The following KCNA4 variants were observed in gnomAD, a reference collection of about 807,000 sequenced individuals.
KCNA4 encodes the protein cardiac potassium channel.
In KCNA4, 5 loss-of-function variants were observed where a neutral mutation model predicts 37.2. The observed-to-expected ratio is 0.13, with a 90% confidence interval of 0.07 to 0.28. KCNA4 has a LOEUF of 0.28. Ranked by LOEUF, KCNA4 falls within the 10% of genes least tolerant of loss-of-function variation. The pLI is 1.00. For synonymous variants in KCNA4, 350 were observed against 311.8 expected (o/e 1.12, Z -1.29); for missense variants, 634 against 817.4 (o/e 0.78, Z 2.74).
Position 30,010,867 on chromosome 11 carries a change from G to A in KCNA4, c.1812C>T (p.Ser604=), listed in dbSNP as rs1050608531. The change falls in exon 2 of 2, where the codon TCC becomes TCT. Residue 604 remains serine, a synonymous_variant. Transcript: ENST00000328224. ...LKKFRSSTSS[S]LGDKSEYLEM... The stretch of plus-strand genomic sequence containing the variant: ...CTAGATACTCTGACTTGTCCCCCAG[G>A]GAAGAAGAAGTAGAGCTCCGAAATT... 9 of 1,614,010 alleles carry A rather than the reference G, an allele frequency of 5.6e-6. No individual in the cohort carries two copies. In the South Asian group the frequency reaches 9.9e-5, roughly 18 times the overall value.
Position 30,012,208 on chromosome 11 carries a change from C to T in KCNA4, c.471G>A (p.Leu157=), listed in dbSNP as rs1782150262. The T allele has an allele frequency of 1.2e-6, 2 of 1,614,068 alleles. No individual in the cohort carries two copies. Among genetic ancestry groups the T allele is most frequent in the Middle Eastern group, 1.6e-4 (1 of 6,084 alleles). ...HGDECSYTDL[L]PQDEGGGGYS... ...AGCCGCCACCGCCCTCATCCTGAGG[C>T]AGCAGATCCGTGTAGGAACACTCAT... Residue 157 remains leucine, a synonymous_variant, in exon 2 of 2, where the codon CTG becomes CTA. Transcript: ENST00000328224.
At position 30,011,451 on chromosome 11, in the gene KCNA4, C is replaced by T; in HGVS notation, c.1228G>A (p.Val410Ile). ...GTGATGAAGTAAGGCAAAATGGAGA[C>T]AATGTCAATGATGTTCATGATGTTT... ...FKNIMNIIDIVSILPYFITLG... is the reference protein window; with the variant it reads ...FKNIMNIIDIISILPYFITLG... The change falls in exon 2 of 2, where the codon GTC becomes ATC. Residue 410 changes from valine (V) to isoleucine (I), a missense_variant. Val to Ile is a conservative substitution (Grantham distance 29, BLOSUM62 3). Transcript: ENST00000328224. This position sits in a 1 kb window ranked among gnomAD's most constrained non-coding sequence, Gnocchi z 5.6. 1 of 1,614,136 alleles carries T rather than the reference C, an allele frequency of 6.2e-7. No homozygotes were observed. The highest frequency in any genetic ancestry group is 1.1e-5 in the South Asian group (1 of 91,074).
In KCNA4 at chr11:30,012,343, G is replaced by A. The variant is rs775273227; in HGVS notation, c.336C>T (p.Gly112=). ...FPHCSDLMPS[G]SEEKILRELS... is the part of the protein sequence containing the mutation. The stretch of plus-strand genomic sequence containing the variant: ...GCTCCCTCAGGATCTTCTCCTCAGA[G>A]CCACTGGGCATCAGGTCAGAGCAAT... Residue 112 remains glycine (G), a synonymous_variant, in exon 2 of 2, where the codon GGC becomes GGT. Coordinates refer to ENST00000328224, the MANE Select transcript of KCNA4 (RefSeq NM_002233.4). 35 of 1,613,904 alleles carry A rather than the reference G, an allele frequency of 2.2e-5. No homozygotes were observed. Among genetic ancestry groups the A allele is most frequent in the Non-Finnish European group, 3.0e-5 (35 of 1,180,020 alleles).
rs769646668 is a variant in KCNA4 at position 30,012,314 on chromosome 11, C to T, written c.365G>A (p.Ser122Asn). 30 of 1,613,944 alleles carry T rather than the reference C, an allele frequency of 1.9e-5. No individual in the cohort carries two copies. The highest frequency in any genetic ancestry group is 2.4e-5 in the Non-Finnish European group (28 of 1,180,004). Residue 122 changes from serine to asparagine, a missense_variant, in exon 2 of 2, where the codon AGT becomes AAT. By Grantham distance (46) the Ser-to-Asn change is conservative. This residue lies in a region of KCNA4 where 236 missense variants were observed against 229.5 expected (regional missense o/e 1.03). Transcript: ENST00000328224. Reference protein sequence around the residue: ...GSEEKILRELSEEEEDEEEEE... With the variant: ...GSEEKILRELNEEEEDEEEEE... ...CTCCTCCTCATCTTCCTCCTCCTCACTCAGCTCCCTCAGGATCTTCTCCTC... is the reference window on the plus strand; with the variant it reads ...CTCCTCCTCATCTTCCTCCTCCTCATTCAGCTCCCTCAGGATCTTCTCCTC...
chr11:30,015,980 G>A (rs1222159285), intron 1 of KCNA4, among the ~76,000 whole-genome samples: 1 of 151,872 alleles, frequency 6.6e-6, no homozygotes, highest in Non-Finnish European at 1.5e-5. Flanking sequence ...CTGTGTCACT[G>A]TCAGGGTGGT....
chr11:30,012,346 A>G lies in KCNA4; in HGVS notation c.333T>C (p.Ser111=). ...CCCTCAGGATCTTCTCCTCAGAGCC[A>G]CTGGGCATCAGGTCAGAGCAATGAG... ...SFPHCSDLMP[S]GSEEKILREL... is the part of the protein sequence containing the mutation. The change falls in exon 2 of 2, where the codon AGT becomes AGC. Residue 111 remains serine, a synonymous_variant. Coordinates refer to ENST00000328224, the MANE Select transcript of KCNA4 (RefSeq NM_002233.4). 1 of 1,614,014 alleles carries G rather than the reference A, an allele frequency of 6.2e-7. No individual in the cohort carries two copies. The highest frequency in any genetic ancestry group is 1.3e-5 in the African/African-American group (1 of 74,998).
In KCNA4 at chr11:30,010,742, G is replaced by A. The variant is rs1023989215; in HGVS notation, c.1937C>T (p.Ala646Val). 1 of 1,611,106 alleles carries A rather than the reference G, an allele frequency of 6.2e-7. No individual in the cohort carries two copies. Among genetic ancestry groups the A allele is most frequent in the Admixed American group, 1.7e-5 (1 of 59,766 alleles). ...TCACACATCAGTCTCCACAGCCTTT[G>A]CATTAGAACAGTTGTTTTTATCTGT... ...SETDKNNCSN[A>V]KAVETDV The change falls in exon 2 of 2, where the codon GCA becomes GTA. Residue 646 changes from alanine to valine, a missense_variant. Physicochemically the swap from Ala to Val is moderately conservative, Grantham distance 64. Around this residue, in one of 8 missense-constraint regions of KCNA4, gnomAD observed 91 missense variants for 95.8 expected, o/e 0.95. Transcript: ENST00000328224.
At position 30,010,625 on chromosome 11, in the gene KCNA4, T is replaced by C. The variant is rs1342465705; in HGVS notation, c.*92A>G. ...ATAGTGTACTACTGTATGCATTGGATCATTTGCATATTTCATTTTCATAAC... is the reference window on the plus strand; with the variant it reads ...ATAGTGTACTACTGTATGCATTGGACCATTTGCATATTTCATTTTCATAAC... On this transcript the variant is annotated 3_prime_UTR_variant, in exon 2 of 2. Coordinates refer to ENST00000328224, the MANE Select transcript of KCNA4 (RefSeq NM_002233.4). The C allele has an allele frequency of 3.3e-6, 5 of 1,511,894 alleles. No homozygotes were observed. Among genetic ancestry groups the C allele is most frequent in the Non-Finnish European group, 4.4e-6 (5 of 1,131,026 alleles). The allele number at this position is 1,511,894 out of a possible 1,614,324, so 93.7% of individuals were successfully genotyped here. A position where few individuals can be genotyped will look rare whatever the true frequency, so the allele number is the denominator to read the frequency against.
intron 1 of KCNA4, among the ~76,000 whole-genome samples, chr11:30,014,250 A>T (rs984256065): frequency 5.3e-5 from 8 of 152,134 alleles, no homozygotes; most frequent in Non-Finnish European, 1.0e-4. Flanking sequence ...CATACAAGAC[A>T]TCCTGAGACT....
chr11:30,010,650 C>A lies in KCNA4; in HGVS notation c.*67G>T. ...TCATTTGCATATTTCATTTTCATAA[C>A]TGCACTCTCTATGCATAAATATATT... On this transcript the variant is annotated 3_prime_UTR_variant, in exon 2 of 2. Transcript: ENST00000328224. 1 of 1,532,904 alleles carries A rather than the reference C, an allele frequency of 6.5e-7. No homozygotes were observed. The highest frequency in any genetic ancestry group is 8.7e-7 in the Non-Finnish European group (1 of 1,143,772). 95.0% of individuals were successfully genotyped at this position (1,532,904 alleles called of 1,614,324 possible).
chr11:30,015,437 C>T (rs1850342316), intron 1 of KCNA4, among the ~76,000 whole-genome samples: 1 of 152,196 alleles, frequency 6.6e-6, no homozygotes, highest in Admixed American at 6.5e-5. Flanking sequence ...CAACTGACTC[C>T]CAGAAGGTCA....
Position 30,012,319 on chromosome 11 carries a change from C to G in KCNA4, c.360G>C (p.Glu120Asp), listed in dbSNP as rs1231491373. 1.2e-6 allele frequency: 2 copies of G among 1,613,970 alleles called. No individual in the cohort carries two copies. The highest frequency in any genetic ancestry group is 1.7e-6 in the Non-Finnish European group (2 of 1,180,010). ...CCTCATCTTCCTCCTCCTCACTCAG[C>G]TCCCTCAGGATCTTCTCCTCAGAGC... ...PSGSEEKILR[E>D]LSEEEEDEEE... The change falls in exon 2 of 2, where the codon GAG becomes GAC. Residue 120 changes from glutamate (E) to aspartate (D), a missense_variant. By Grantham distance (45) the Glu-to-Asp change is conservative (BLOSUM62 2). Transcript: ENST00000328224.
intron 1 of KCNA4, among the ~76,000 whole-genome samples, chr11:30,016,044 A>T (rs1446967872): frequency 5.9e-5 from 9 of 151,990 alleles, no homozygotes; most frequent in African/African-American, 2.2e-4. Flanking sequence ...TGAGAGAGGG[A>T]ATCAGAAAAG....
At position 30,011,588 on chromosome 11, in the gene KCNA4, T is replaced by C. The variant is rs773718910; in HGVS notation, c.1091A>G (p.His364Arg). 1.2e-6 allele frequency: 2 copies of C among 1,614,130 alleles called. No homozygotes were observed. Among genetic ancestry groups the C allele is most frequent in the East Asian group, 2.2e-5 (1 of 44,864 alleles). ...TSAPHLENSG[H>R]TIFNDPFFIV... Reference sequence around the variant, plus strand: ...GAAGAAGGGGTCATTGAATATTGTGTGCCCTGAGTTCTCCAGATGGGGTGC... The same window carrying C: ...GAAGAAGGGGTCATTGAATATTGTGCGCCCTGAGTTCTCCAGATGGGGTGC... The change falls in exon 2 of 2, where the codon CAC (histidine) becomes CGC (arginine). Residue 364 changes from histidine (H) to arginine (R), a missense_variant. Transcript: ENST00000328224. This position sits in a 1 kb window ranked among gnomAD's most constrained non-coding sequence, Gnocchi z 5.6.
chr11:30,010,865 A>G lies in KCNA4; in HGVS notation c.1814T>C (p.Leu605Pro), dbSNP rs764792446. Reference protein sequence around the residue: ...KKFRSSTSSSLGDKSEYLEME... With the variant: ...KKFRSSTSSSPGDKSEYLEME... ...CTCTAGATACTCTGACTTGTCCCCC[A>G]GGGAAGAAGAAGTAGAGCTCCGAAA... Residue 605 changes from leucine to proline, a missense_variant, in exon 2 of 2, where the codon CTG (leucine) becomes CCG (proline). Around this residue, in one of 8 missense-constraint regions of KCNA4, gnomAD observed 91 missense variants for 95.8 expected, o/e 0.95. Transcript: ENST00000328224. 21 of 1,614,048 alleles carry G rather than the reference A, an allele frequency of 1.3e-5. No homozygotes were observed. In the Admixed American group the frequency reaches 2.7e-4, roughly 20 times the overall value.
In KCNA4 at chr11:30,011,494, G is replaced by C. The variant is rs199748253; in HGVS notation, c.1185C>G (p.Ser395Arg). The C allele has an allele frequency of 3.4e-4, 544 of 1,614,010 alleles. 1 individual carries two copies. Among genetic ancestry groups the C allele is most frequent in the Non-Finnish European group, 4.1e-4 (478 of 1,180,034 alleles). ...EFVVRCFACPSQALFFKNIMN... is the reference protein window; with the variant it reads ...EFVVRCFACPRQALFFKNIMN... ...TGATGTTTTTGAAGAAGAGTGCTTG[G>C]CTGGGACAAGCAAAGCAGCGAACCA... Residue 395 changes from serine (S) to arginine (R), a missense_variant, in exon 2 of 2, where the codon AGC becomes AGG. By Grantham distance (110) the Ser-to-Arg change is moderately radical. Coordinates refer to ENST00000328224, the MANE Select transcript of KCNA4 (RefSeq NM_002233.4). This position sits in a 1 kb window ranked among gnomAD's most constrained non-coding sequence, Gnocchi z 5.6.
In KCNA4 at chr11:30,011,059, G is replaced by A. The variant is rs201513098; in HGVS notation, c.1620C>T (p.Val540=). 1.6e-4 allele frequency: 251 copies of A among 1,614,154 alleles called. No homozygotes were observed. In the African/African-American group the frequency reaches 2.5e-3, roughly 16 times the overall value. Residue 540 remains valine, a synonymous_variant, in exon 2 of 2, where the codon GTC becomes GTT. Transcript: ENST00000328224. This position sits in a 1 kb window ranked among gnomAD's most constrained non-coding sequence, Gnocchi z 5.6. Reference sequence around the variant, plus strand: ...CACCCGCAATGGCACACAGGGACCCGACAATCTTGCCCCCTACAGTGATGG... The same window carrying A: ...CACCCGCAATGGCACACAGGGACCCAACAATCTTGCCCCCTACAGTGATGG... ...MKPITVGGKI[V]GSLCAIAGVL...
At position 30,016,992 on chromosome 11, in the gene KCNA4, G is replaced by A. The variant is rs1034663366; in HGVS notation, c.-1203C>T. 5.0e-6 allele frequency: 2 copies of A among 398,528 alleles called. No individual in the cohort carries two copies. Among genetic ancestry groups the A allele is most frequent in the Non-Finnish European group, 4.4e-6 (1 of 226,142 alleles). The allele number at this position is 398,528 out of a possible 1,614,324, so 24.7% of individuals were successfully genotyped here. ...TCCCTCTCTCGCTCTCGCTGGCTGC[G>A]GGAGCAGCACACGCCTCCCCTGGCC... On this transcript the variant is annotated 5_prime_UTR_variant, in exon 1 of 2. Transcript: ENST00000328224.
intron 1 of KCNA4, among the ~76,000 whole-genome samples, chr11:30,013,913 T>A (rs1328581255): frequency 6.6e-6 from 1 of 152,156 alleles, no homozygotes; most frequent in South Asian, 2.1e-4. Flanking sequence ...CTCCTCTCTA[T>A]CTTGACTCAG....
Sources: gnomAD v4.1 joint callset for allele counts (sites outside exome capture counted in the v4.1 genomes callset) on GRCh38, gnomAD v4.1.1 for gene constraint, gnomAD v4.1.1 regional missense constraint, Gnocchi (gnomAD v3.1) non-coding constraint, MANE v1.5 for transcripts, NCBI Gene and HGNC (gene_info 2026-07-23, HGNC 2026-07-21) for gene names.